Variants in PCDH15 observed in about 807,000 individuals in gnomAD.
The protein encoded by PCDH15 is protocadherin-15.
PCDH15 carries 129 observed loss-of-function variants against 178.5 expected under a neutral mutation model. The observed-to-expected ratio is 0.72, with a 90% CI of 0.63 to 0.84. The LOEUF (loss-of-function observed/expected upper bound fraction) is 0.84, where lower values mean the gene tolerates loss of function less well. Among genes scored for constraint, PCDH15 ranks in the 40% least tolerant of loss-of-function variants. The pLI is 0.00. For synonymous variants in PCDH15, 800 were observed against 732.0 expected (o/e 1.09, Z -1.50); for missense variants, 2,230 against 2,099.9 (o/e 1.06, Z -1.21).
chr10:55,055,456 A>G (rs982034819), intron 2 of PCDH15, among the ~76,000 whole-genome samples: 3 of 152,126 alleles, frequency 2.0e-5, no homozygotes, highest in Admixed American at 6.6e-5. Context: ...GTATATATCC[A>G]TCTGCTTACC....
At chr10:55,195,029 T>A (rs1840047719) in intron 1 of PCDH15, among the ~76,000 whole-genome samples, 1 of 151,588 alleles carries the variant, frequency 6.6e-6, no homozygotes, top group South Asian at 2.1e-4. Flanking sequence ...GAAAATTTTT[T>A]TTTTTTTTTT....
At chr10:54,281,112 AAATT>A (rs1277041017) in intron 8 of PCDH15, among the ~76,000 whole-genome samples, 1 of 151,952 alleles carries the variant, frequency 6.6e-6, no homozygotes, top group African/African-American at 2.4e-5. Flanking sequence ...ACTTGATATG[AAATT>A]AATTATACGA....
Position 54,664,269 on chromosome 10 carries a change from T to A in PCDH15, c.-7A>T, listed in dbSNP as rs777229286. ...GATAAAACTGTCGAAACATCTTCTG[T>A]CAAAGTTCACTCAAAGCTGATCTGA... On this transcript the variant is annotated 5_prime_UTR_variant, in exon 2 of 38. The change abolishes the stop of an existing upstream ORF in the 5' untranslated region. Transcript: ENST00000644397. 5.0e-6 allele frequency: 8 copies of A among 1,606,622 alleles called. No homozygotes were observed. The highest frequency in any genetic ancestry group is 6.8e-6 in the Non-Finnish European group (8 of 1,174,676).
At chr10:53,831,988 A>G (rs185106051) in intron 29 of PCDH15, among the ~76,000 whole-genome samples, 3 of 152,268 alleles carry the variant, frequency 2.0e-5, no homozygotes, top group African/African-American at 7.2e-5. Flanking sequence ...AAAAAGCTAT[A>G]CAGTTATAAA....
At chr10:55,267,200 A>C (rs1842322263) in intron 1 of PCDH15, among the ~76,000 whole-genome samples, 1 of 152,180 alleles carries the variant, frequency 6.6e-6, no homozygotes, top group Admixed American at 6.5e-5. Context: ...ACACATATAT[A>C]CATATGTATA....
intron 2 of PCDH15, among the ~76,000 whole-genome samples, chr10:54,621,398 G>A (rs1179055895): frequency 1.3e-5 from 2 of 151,872 alleles, no homozygotes; most frequent in Admixed American, 6.6e-5. Flanking sequence ...TACTTTGCCT[G>A]AGAAAGAAAA....
chr10:54,172,170 C>T (rs564805041), intron 13 of PCDH15, among the ~76,000 whole-genome samples: 2,176 of 152,158 alleles, frequency 0.014, 60 homozygotes, highest in African/African-American at 0.051. Flanking sequence ...TGCCCTGCCC[C>T]ACCTTAACTG....
intron 25 of PCDH15, among the ~76,000 whole-genome samples, chr10:53,908,558 T>C (rs1343797834): frequency 1.3e-5 from 2 of 152,236 alleles, no homozygotes; most frequent in Admixed American, 1.3e-4. Context: ...CCTCTGTTCC[T>C]GACATTCTCT....
At chr10:54,162,095 T>G (rs928091895) in intron 13 of PCDH15, among the ~76,000 whole-genome samples, 6 of 152,176 alleles carry the variant, frequency 3.9e-5, no homozygotes, top group African/African-American at 1.4e-4. Flanking sequence ...ACCTTTTTAA[T>G]GATATTTATC....
rs566193544 is a variant in PCDH15 at position 54,333,700 on chromosome 10, G to A, written c.595-3994C>T. Among the ~76,000 whole-genome samples the A allele has an allele frequency of 5.3e-5, 8 of 152,136 alleles. No homozygotes were observed. In the South Asian group the frequency reaches 1.2e-3, roughly 24 times the overall value. On this transcript the variant is annotated intron_variant, in intron 6 of 37. Transcript: ENST00000644397. ...TAGAATGCACAAGAATCATAGGCAT[G>A]TATCATTAAGACTGTAGATTCCTAG...
At chr10:54,232,065 C>A (rs1316513589) in intron 9 of PCDH15, among the ~76,000 whole-genome samples, 2 of 150,434 alleles carry the variant, frequency 1.3e-5, no homozygotes, top group Non-Finnish European at 2.9e-5. Context: ...TTCAGAGGAA[C>A]CAGGGGTTTC....
intron 2 of PCDH15, among the ~76,000 whole-genome samples, chr10:55,125,082 C>T (rs1837863267): frequency 6.6e-6 from 1 of 151,614 alleles, no homozygotes; most frequent in African/African-American, 2.4e-5. Context: ...TAGAACCAGC[C>T]ATTAAATATT....
At chr10:54,871,867 T>C (rs1304251371) in intron 3 of PCDH15, among the ~76,000 whole-genome samples, 1 of 152,104 alleles carries the variant, frequency 6.6e-6, no homozygotes, top group African/African-American at 2.4e-5. Flanking sequence ...AGAGGATCTC[T>C]ATAGAACGTA....
At chr10:55,162,918 C>T (rs562882010) in intron 2 of PCDH15, among the ~76,000 whole-genome samples, 1 of 152,124 alleles carries the variant, frequency 6.6e-6, no homozygotes, top group Non-Finnish European at 1.5e-5. Flanking sequence ...TGCAACTTCT[C>T]TAATTATTTT....
intron 2 of PCDH15, among the ~76,000 whole-genome samples, chr10:55,051,332 A>T (rs1267965732): frequency 6.6e-6 from 1 of 152,154 alleles, no homozygotes; most frequent in Non-Finnish European, 1.5e-5. Flanking sequence ...TTAAAGTCAG[A>T]TAATTAGATT....
chr10:54,870,549 G>A (rs1210477358), intron 3 of PCDH15, among the ~76,000 whole-genome samples: 2 of 152,118 alleles, frequency 1.3e-5, no homozygotes, highest in African/African-American at 2.4e-5. Flanking sequence ...ACTTCAGGAG[G>A]CCGAGGTGGG....
chr10:54,775,753 C>T (rs1949621267), intron 1 of PCDH15, among the ~76,000 whole-genome samples: 2 of 152,050 alleles, frequency 1.3e-5, no homozygotes, highest in Admixed American at 6.6e-5. Context: ...GGCGTGGTGG[C>T]GGGCGCCTGT....
At position 54,089,649 on chromosome 10, in the gene PCDH15, TAC is replaced by T. The variant is rs1215237136; in HGVS notation, c.1997+333_1997+334del. The stretch of plus-strand genomic sequence containing the variant: ...TCTTGCCTACAAGCCTCCCTTTGAA[TAC>T]ACAGTTTGGTGCTAAGTAACCCTTT... On this transcript the variant is annotated intron_variant, in intron 16 of 37. Transcript: ENST00000644397. Among the ~76,000 whole-genome samples, 12 of 152,342 alleles carry T rather than the reference TAC, an allele frequency of 7.9e-5. No homozygotes were observed. The South Asian group carries it at 2.3e-3, about 29-fold the overall frequency.
chr10:54,120,686 GAAGA>G (rs922456178), intron 15 of PCDH15, among the ~76,000 whole-genome samples: 7 of 152,156 alleles, frequency 4.6e-5, no homozygotes, highest in East Asian at 1.9e-4. Context: ...AAACAAAAAA[GAAGA>G]AAGAAAGAAA....
Sources: allele counts gnomAD v4.1 joint callset (sites outside exome capture counted in the v4.1 genomes callset), GRCh38; gene constraint gnomAD v4.1.1; transcripts MANE v1.5; gene names NCBI Gene and HGNC (gene_info 2026-07-23, HGNC 2026-07-21).